The following KLHL14 variants were observed in gnomAD, a reference collection of about 807,000 sequenced individuals.
KLHL14 encodes the protein kelch-like protein 14.
KLHL14 carries 22 observed loss-of-function variants against 64.3 expected under a neutral mutation model. The observed-to-expected ratio is 0.34, with a 90% CI of 0.24 to 0.49. KLHL14 has a LOEUF of 0.49. Among genes scored for constraint, KLHL14 ranks in the 20% least tolerant of loss-of-function variants. The pLI is 0.99. For missense variants in KLHL14, 661 were observed against 789.0 expected (o/e 0.84, Z 1.94); for synonymous variants, 322 against 333.4 (o/e 0.97, Z 0.37).
chr18:32,694,617 A>G (rs1268630065), intron 4 of KLHL14, among the ~76,000 whole-genome samples: 1 of 152,228 alleles, frequency 6.6e-6, no homozygotes, highest in Non-Finnish European at 1.5e-5. Flanking sequence ...ACAATTTTCT[A>G]TAATTTGCCT....
Position 32,674,682 on chromosome 18 carries a change from G to A in KLHL14, c.1862C>T (p.Pro621Leu), listed in dbSNP as rs751334239. The change falls in exon 9 of 9, where the codon CCC becomes CTC. Residue 621 changes from proline to leucine, a missense_variant. By Grantham distance (98) the Pro-to-Leu change is moderately conservative. This residue lies in a region of KLHL14 where 330 missense variants were observed against 450.0 expected (regional missense o/e 0.73). Transcript: ENST00000359358. ...AGPACVTVILPSCVPYNK is the reference protein window; with the variant it reads ...AGPACVTVILLSCVPYNK ...TTATTTGTTGTATGGTACACAAGAG[G>A]GCAGAATAACTGTCACACAGGCAGG... 1.0e-5 allele frequency: 8 copies of A among 780,844 alleles called. No individual in the cohort carries two copies. Among genetic ancestry groups the A allele is most frequent in the South Asian group, 2.7e-5 (2 of 74,612 alleles). The allele number at this position is 780,844 out of a possible 1,614,324, so 48.4% of individuals were successfully genotyped here.
chr18:32,717,030 G>A (rs1411694080), intron 3 of KLHL14, among the ~76,000 whole-genome samples: 1 of 152,092 alleles, frequency 6.6e-6, no homozygotes, highest in Admixed American at 6.5e-5. Context: ...CAAATTGGAG[G>A]GCTTTACCAA....
rs767366820 is a variant in KLHL14, at chr18:32,677,250, A to G, written c.1669T>C (p.Leu557=). 19 of 1,613,678 alleles carry G rather than the reference A, an allele frequency of 1.2e-5. No individual in the cohort carries two copies. The highest frequency in any genetic ancestry group is 1.0e-5 in the Non-Finnish European group (12 of 1,179,702). ...DQWNILQTPI[L]EGRSGPGCAV... ...CAGCCAGGGCCACTTCGACCCTCCA[A>G]AATGGGAGTTTGGAGTATATTCCAC... Residue 557 remains leucine (L), a synonymous_variant, in exon 8 of 9, where the codon TTG becomes CTG. Transcript: ENST00000359358.
chr18:32,733,356 T>A (rs1300896637), intron 3 of KLHL14, among the ~76,000 whole-genome samples: 9 of 149,430 alleles, frequency 6.0e-5, no homozygotes, highest in South Asian at 2.1e-4. Context: ...TGTGTGTGTG[T>A]GAGAGAGACA....
rs2049791176 is a variant in KLHL14, at chr18:32,672,787, T to C, written c.*1870A>G. 6.5e-6 allele frequency: 1 copy of C among 152,672 alleles called. No homozygotes were observed. Among genetic ancestry groups the C allele is most frequent in the Non-Finnish European group, 1.5e-5 (1 of 68,044 alleles). The allele number at this position is 152,672 out of a possible 1,614,324, so 9.5% of individuals were successfully genotyped here. A position where few individuals can be genotyped will look rare whatever the true frequency, so the allele number is the denominator to read the frequency against. Reference sequence around the variant, plus strand: ...TGACTTATTTATTCACTTTTCACTTTCTAGTAACTTATGTCTCTCTGAAAT... The same window carrying C: ...TGACTTATTTATTCACTTTTCACTTCCTAGTAACTTATGTCTCTCTGAAAT... On this transcript the variant is annotated 3_prime_UTR_variant, in exon 9 of 9. Transcript: ENST00000359358.
intron 4 of KLHL14, among the ~76,000 whole-genome samples, chr18:32,690,910 A>C (rs2049904386): frequency 6.6e-6 from 1 of 152,136 alleles, no homozygotes; most frequent in South Asian, 2.1e-4. Context: ...ATTTGGGGAC[A>C]TACAGGAAGA....
At chr18:32,761,636 C>T (rs1230971893) in intron 2 of KLHL14, among the ~76,000 whole-genome samples, 2 of 152,262 alleles carry the variant, frequency 1.3e-5, no homozygotes, top group African/African-American at 4.8e-5. Context: ...GCCCATGCCA[C>T]TTTTCTCTTG....
chr18:32,772,115 G>T (rs147250782), intron 1 of KLHL14: 1 of 161,410 alleles, frequency 6.2e-6, no homozygotes, highest in Non-Finnish European at 1.2e-5. Flanking sequence ...CCGGCCCGCC[G>T]GCCCGCCCGC....
intron 4 of KLHL14, among the ~76,000 whole-genome samples, chr18:32,695,083 T>G (rs2049930354): frequency 6.6e-6 from 1 of 152,214 alleles, no homozygotes; most frequent in Non-Finnish European, 1.5e-5. Context: ...CAACCCACGT[T>G]ATTATATTGA....
At chr18:32,762,535 C>A (rs1264118830) in intron 2 of KLHL14, among the ~76,000 whole-genome samples, 1 of 151,936 alleles carries the variant, frequency 6.6e-6, no homozygotes, top group East Asian at 1.9e-4. Flanking sequence ...TTCCATAATA[C>A]CTTTCTGCTT....
Position 32,675,278 on chromosome 18 carries a change from G to A in KLHL14, c.1747-481C>T, listed in dbSNP as rs12960636. Among the ~76,000 whole-genome samples, 782 of 152,260 alleles carry A rather than the reference G, an allele frequency of 5.1e-3. 5 individuals are homozygous for A. The highest frequency in any genetic ancestry group is 8.9e-3 in the Admixed American group (136 of 15,294). On this transcript the variant is annotated intron_variant, in intron 8 of 8. Transcript: ENST00000359358. ...CTTGGGAGGCTAGGACAGGAGGATC[G>A]TGGTTACAATGAGCTCTGATCATGC...
At chr18:32,737,539 AG>A (rs1276201814) in intron 3 of KLHL14, 2 of 152,186 alleles carry the variant, frequency 1.3e-5, no homozygotes, top group African/African-American at 4.8e-5. Flanking sequence ...GTCTTATACA[AG>A]CTTTGTTTGC....
intron 2 of KLHL14, among the ~76,000 whole-genome samples, chr18:32,758,391 G>A (rs148482871): frequency 2.2e-3 from 332 of 152,262 alleles, no homozygotes; most frequent in African/African-American, 7.3e-3. Flanking sequence ...ACTACTTCAC[G>A]TCTATTAAGA....
chr18:32,736,744 AAT>A (rs1055590938), intron 3 of KLHL14, among the ~76,000 whole-genome samples: 18 of 152,044 alleles, frequency 1.2e-4, no homozygotes, highest in African/African-American at 4.3e-4. Flanking sequence ...TGGCATTCTC[AAT>A]ACTGGGTGGT....
chr18:32,707,034 GA>G (rs1361548562), intron 3 of KLHL14, among the ~76,000 whole-genome samples: 4 of 152,168 alleles, frequency 2.6e-5, no homozygotes, highest in Non-Finnish European at 4.4e-5. Flanking sequence ...TGCTTGGCCA[GA>G]GCTGTTTTGA....
chr18:32,758,420 C>T (rs1387905096), intron 2 of KLHL14, among the ~76,000 whole-genome samples: 2 of 152,168 alleles, frequency 1.3e-5, no homozygotes, highest in East Asian at 3.8e-4. Context: ...ATGAAAAAGA[C>T]AGATGAGTAT....
chr18:32,732,812 T>G (rs1297076028), intron 3 of KLHL14, among the ~76,000 whole-genome samples: 3 of 152,198 alleles, frequency 2.0e-5, no homozygotes, highest in Admixed American at 6.6e-5. Context: ...GTCCAGTGGC[T>G]GATAAGGAAA....
At position 32,770,037 on chromosome 18, in the gene KLHL14, G is replaced by C. The variant is rs747558567; in HGVS notation, c.555C>G (p.Asn185Lys). 3 of 1,614,230 alleles carry C rather than the reference G, an allele frequency of 1.9e-6. No individual in the cohort carries two copies. Among genetic ancestry groups the C allele is most frequent in the East Asian group, 2.2e-5 (1 of 44,876 alleles). Residue 185 changes from asparagine (N) to lysine (K), a missense_variant, in exon 2 of 9, where the codon AAC becomes AAG. By Grantham distance (94) the Asn-to-Lys change is moderately conservative. Around this residue, in one of 2 missense-constraint regions of KLHL14, gnomAD observed 331 missense variants for 339.0 expected, o/e 0.98. Transcript: ENST00000359358. This position sits in a 1 kb window ranked among gnomAD's most constrained non-coding sequence, Gnocchi z 6.7. ...CGGCGATCTTGCACACCTGCTTGTA[G>C]TTCTGCACCGAGATCTGGTCGTTGA... Reference protein sequence around the residue: ...QFLNDQISVQNYKQVCKIAAL... With the variant: ...QFLNDQISVQKYKQVCKIAAL...
At position 32,759,126 on chromosome 18, in the gene KLHL14, G is replaced by A. The variant is rs531553729; in HGVS notation, c.947+10519C>T. ...ATATTAATTACATCTCAATAAAGCT[G>A]CTCAATGTGAATCTACCATGGGTTT... On this transcript the variant is annotated intron_variant, in intron 2 of 8. Coordinates refer to ENST00000359358, the MANE Select transcript of KLHL14 (RefSeq NM_020805.3). 3.3e-5 allele frequency among the ~76,000 whole-genome samples: 5 copies of A among 152,268 alleles called. No individual in the cohort carries two copies. In the South Asian group the frequency reaches 1.0e-3, roughly 32 times the overall value.
Sources: allele counts gnomAD v4.1 joint callset (sites outside exome capture counted in the v4.1 genomes callset), GRCh38; gene constraint gnomAD v4.1.1; regional missense constraint gnomAD v4.1.1; non-coding constraint Gnocchi (gnomAD v3.1); transcripts MANE v1.5; gene names NCBI Gene and HGNC (gene_info 2026-07-23, HGNC 2026-07-21).